Variants in RBMS1 observed in about 807,000 individuals in gnomAD.
RBMS1 encodes RNA binding motif single stranded interacting protein 1.
Under a neutral mutation model 62.3 loss-of-function variants are expected in RBMS1, and 17 were observed. The observed-to-expected ratio is 0.27, with a 90% confidence interval of 0.19 to 0.41. The LOEUF (loss-of-function observed/expected upper bound fraction) is 0.41. RBMS1 is among the 10% of genes least tolerant of loss of function. RBMS1 has a pLI of 1.00. For synonymous variants in RBMS1, 172 were observed against 170.0 expected, an observed-to-expected ratio of 1.01 and a Z score of -0.09; for missense variants, 334 against 504.5, an observed-to-expected ratio of 0.66 and a Z score of 3.24.
chr2:160,354,746 A>G (rs1692700655), intron 2 of RBMS1, among the ~76,000 whole-genome samples: 1 of 152,174 alleles, frequency 6.6e-6, no homozygotes, highest in African/African-American at 2.4e-5. Context: ...AACAGAGGCA[A>G]GAAGATGCTA....
chr2:160,407,817 G>C (rs1473316938), intron 1 of RBMS1: 1 of 981,212 alleles, frequency 1.0e-6, no homozygotes, highest in Non-Finnish European at 1.2e-6. Context: ...TTCGCGCGCG[G>C]AGCTGGCGGC....
intron 2 of RBMS1, among the ~76,000 whole-genome samples, chr2:160,358,907 C>T (rs1263525955): frequency 6.6e-6 from 1 of 151,676 alleles, no homozygotes; most frequent in African/African-American, 2.4e-5. Flanking sequence ...AATAAAAATT[C>T]ACTAGATACA....
intron 1 of RBMS1, among the ~76,000 whole-genome samples, chr2:160,411,192 CTGAAAAA>C (rs1696017400): frequency 6.6e-6 from 1 of 152,142 alleles, no homozygotes; most frequent in African/African-American, 2.4e-5. Context: ...CTGGCTGGGA[CTGAAAAA>C]ATGAGCAGGA....
At chr2:160,439,851 G>A (rs1000201562) in intron 1 of RBMS1, among the ~76,000 whole-genome samples, 50 of 152,156 alleles carry the variant, frequency 3.3e-4, no homozygotes, top group Non-Finnish European at 7.4e-5. Flanking sequence ...TTAGGAGCTG[G>A]AGACCAGCCC....
chr2:160,316,952 A>G (rs1690258176), intron 3 of RBMS1, among the ~76,000 whole-genome samples: 1 of 152,208 alleles, frequency 6.6e-6, no homozygotes, highest in Non-Finnish European at 1.5e-5. Flanking sequence ...TAAATGTTAA[A>G]TAAGACTAAC....
At chr2:160,318,140 T>G in intron 3 of RBMS1, 29 bp downstream of exon 3, 1 of 1,582,052 alleles carries the variant, frequency 6.3e-7, no homozygotes, top group Non-Finnish European at 8.5e-7. Flanking sequence ...AAGCTATCAT[T>G]TACCAAATAA....
chr2:160,448,357 CTGT>C (rs1683762293), intron 1 of RBMS1, among the ~76,000 whole-genome samples: 1 of 150,400 alleles, frequency 6.6e-6, no homozygotes, highest in Admixed American at 6.7e-5. Flanking sequence ...GGAGGCTGGA[CTGT>C]ACTGCCGCCA....
At chr2:160,406,291 C>A (rs1428719625) in intron 1 of RBMS1, among the ~76,000 whole-genome samples, 1 of 152,122 alleles carries the variant, frequency 6.6e-6, no homozygotes, top group African/African-American at 2.4e-5. Context: ...AATACACTTA[C>A]GCTAGGACAT....
At chr2:160,331,943 A>G (rs1246069881) in intron 2 of RBMS1, among the ~76,000 whole-genome samples, 1 of 152,198 alleles carries the variant, frequency 6.6e-6, no homozygotes, top group East Asian at 1.9e-4. Context: ...GTGTCAGCAG[A>G]AAAATAGGTG....
rs1436197417 is a variant in RBMS1 at position 160,372,981 on chromosome 2, A to T, written c.76-5590T>A. 2.6e-5 allele frequency among the ~76,000 whole-genome samples: 4 copies of T among 151,792 alleles called. No homozygotes were observed. In the East Asian group the frequency reaches 7.7e-4, roughly 29 times the overall value. Reference sequence around the variant, plus strand: ...CATGGAGTTAAGGAAATAATCAATTAATCCCATTTGATAACAAGGATATCA... The same window carrying T: ...CATGGAGTTAAGGAAATAATCAATTTATCCCATTTGATAACAAGGATATCA... On this transcript the variant is annotated intron_variant, in intron 1 of 13. Transcript: ENST00000348849.
chr2:160,356,932 A>T (rs941933599), intron 2 of RBMS1, among the ~76,000 whole-genome samples: 2 of 152,164 alleles, frequency 1.3e-5, no homozygotes, highest in African/African-American at 4.8e-5. Flanking sequence ...ATGTTTACAC[A>T]TTACACAGAA....
chr2:160,447,879 G>A (rs1277213582), intron 1 of RBMS1, among the ~76,000 whole-genome samples: 1 of 152,218 alleles, frequency 6.6e-6, no homozygotes, highest in Non-Finnish European at 1.5e-5. Context: ...GGAAGATGCA[G>A]CCATCTCCTT....
chr2:160,483,050 C>T (rs1685433095), intron 1 of RBMS1, among the ~76,000 whole-genome samples: 5 of 150,586 alleles, frequency 3.3e-5, no homozygotes. Context: ...ATTTTAAATC[C>T]TATTTGTAGG....
intron 1 of RBMS1, among the ~76,000 whole-genome samples, chr2:160,465,650 C>T (rs1200377999): frequency 2.0e-5 from 3 of 152,190 alleles, no homozygotes; most frequent in Admixed American, 1.3e-4. Context: ...AGCCGGAGGA[C>T]TGTGGGGCAG....
intron 1 of RBMS1, among the ~76,000 whole-genome samples, chr2:160,441,963 T>C (rs1683427929): frequency 6.6e-6 from 1 of 152,246 alleles, no homozygotes; most frequent in South Asian, 2.1e-4. Context: ...TATCTTCTTT[T>C]GTGCAGTGCC....
At chr2:160,307,233 T>C (rs1056602048) in intron 4 of RBMS1, among the ~76,000 whole-genome samples, 2 of 152,030 alleles carry the variant, frequency 1.3e-5, no homozygotes, top group African/African-American at 4.8e-5. Context: ...TTTTCTCTTG[T>C]ACAGAATAGG....
At chr2:160,404,755 T>C (rs1328542016) in intron 1 of RBMS1, among the ~76,000 whole-genome samples, 1 of 152,156 alleles carries the variant, frequency 6.6e-6, no homozygotes, top group African/African-American at 2.4e-5. Context: ...CATCACAAAC[T>C]TACCATCTGT....
At chr2:160,343,114 C>A (rs1691973208) in intron 2 of RBMS1, among the ~76,000 whole-genome samples, 1 of 152,156 alleles carries the variant, frequency 6.6e-6, no homozygotes, top group Admixed American at 6.6e-5. Context: ...CCACTGCCAG[C>A]TGGGCAAAAA....
intron 1 of RBMS1, among the ~76,000 whole-genome samples, chr2:160,418,589 T>C (rs1696295064): frequency 6.6e-6 from 1 of 152,206 alleles, no homozygotes; most frequent in South Asian, 2.1e-4. Flanking sequence ...TTCATATTTG[T>C]TCAGGAACTG....
Sources: allele counts gnomAD v4.1 joint callset (sites outside exome capture counted in the v4.1 genomes callset), GRCh38; gene constraint gnomAD v4.1.1; transcripts MANE v1.5; gene names NCBI Gene and HGNC (gene_info 2026-07-23, HGNC 2026-07-21).